The following CCT3 variants were observed in gnomAD, a reference collection of about 807,000 sequenced individuals.
CCT3 encodes T-complex protein 1 subunit gamma.
A neutral mutation model predicts 65.3 loss-of-function variants in CCT3; 10 were observed. The observed-to-expected ratio is 0.15, with a 90% CI of 0.09 to 0.26. CCT3 has a LOEUF of 0.26. Ranked by LOEUF, CCT3 falls within the 10% of genes least tolerant of loss-of-function variation. CCT3 has a pLI of 1.00. For missense variants in CCT3, 626 were observed against 708.7 expected (o/e 0.88, Z 1.33); for synonymous variants, 225 against 242.3 (o/e 0.93, Z 0.66).
In CCT3 at chr1:156,337,612, T is replaced by C. The variant is rs377395441; in HGVS notation, c.31+542A>G. 92 of 164,936 alleles carry C rather than the reference T, an allele frequency of 5.6e-4. 3 individuals are homozygous for C. The South Asian group carries it at 0.012, about 21-fold the overall frequency. The allele number at this position is 164,936 out of a possible 1,614,324, so 10.2% of individuals were successfully genotyped here. ...AAGAGACTGTTACTGAAAATAAATG[T>C]AACGTAAAGTGACCAAGGATATTAC... On this transcript the variant is annotated intron_variant, in intron 1 of 13. Coordinates refer to ENST00000295688, the MANE Select transcript of CCT3 (RefSeq NM_005998.5).
intron 9 of CCT3, 36 bp downstream of exon 9, chr1:156,317,379 C>G: frequency 6.2e-7 from 1 of 1,602,960 alleles, no homozygotes; most frequent in Non-Finnish European, 8.5e-7. Flanking sequence ...CCTCGTCTAC[C>G]TCAAAGGTAG....
In CCT3 at chr1:156,320,834, T is replaced by C. The variant is rs761844332; in HGVS notation, c.609+5A>G. Reference sequence around the variant, plus strand: ...TGACCCAATGTATACACTTTGAAAGTTTACCTTTTCCACTCTTGCATATTT... The same window carrying C: ...TGACCCAATGTATACACTTTGAAAGCTTACCTTTTCCACTCTTGCATATTT... On this transcript the variant is annotated splice_donor_5th_base_variant and intron_variant, in intron 7 of 13. Coordinates refer to ENST00000295688, the MANE Select transcript of CCT3 (RefSeq NM_005998.5). The C allele has an allele frequency of 1.3e-6, 2 of 1,594,838 alleles. No homozygotes were observed. The highest frequency in any genetic ancestry group is 3.3e-5 in the Admixed American group (2 of 59,708).
At chr1:156,312,546 C>T (rs1238038437) in intron 10 of CCT3, among the ~76,000 whole-genome samples, 1 of 152,042 alleles carries the variant, frequency 6.6e-6, no homozygotes, top group East Asian at 1.9e-4. Context: ...GTAGCTCCAG[C>T]TACTCAGGAG....
chr1:156,315,474 G>C (rs1339711366), intron 10 of CCT3, among the ~76,000 whole-genome samples: 1 of 152,148 alleles, frequency 6.6e-6, no homozygotes, highest in East Asian at 1.9e-4. Context: ...CTCCCAAAGT[G>C]CTGGGATTAC....
At position 156,338,209 on chromosome 1, in the gene CCT3, C is replaced by G; in HGVS notation, c.-25G>C. 6.3e-7 allele frequency: 1 copy of G among 1,581,692 alleles called. No individual in the cohort carries two copies. The highest frequency in any genetic ancestry group is 8.6e-7 in the Non-Finnish European group (1 of 1,165,264). On this transcript the variant is annotated 5_prime_UTR_variant, in exon 1 of 14. Coordinates refer to ENST00000295688, the MANE Select transcript of CCT3 (RefSeq NM_005998.5). ...TGGCGACGCGATGCAGAGCCGGGTACCCAGAGCTGGGGGAACCGGCAGAAC... is the reference window on the plus strand; with the variant it reads ...TGGCGACGCGATGCAGAGCCGGGTAGCCAGAGCTGGGGGAACCGGCAGAAC...
chr1:156,334,004 G>A (rs1315120138), intron 4 of CCT3, among the ~76,000 whole-genome samples: 1 of 152,130 alleles, frequency 6.6e-6, no homozygotes, highest in African/African-American at 2.4e-5. Flanking sequence ...TTGGGAGGCG[G>A]AGGCAGGTGG....
At chr1:156,325,330 A>T (rs948967304) in intron 5 of CCT3, among the ~76,000 whole-genome samples, 2 of 152,176 alleles carry the variant, frequency 1.3e-5, no homozygotes, top group East Asian at 3.9e-4. Flanking sequence ...ATTCAAGATC[A>T]GCCTGGGCAA....
chr1:156,332,139 C>G (rs547294590), intron 5 of CCT3, among the ~76,000 whole-genome samples: 1 of 152,324 alleles, frequency 6.6e-6, no homozygotes, highest in African/African-American at 2.4e-5. Context: ...CCTCAGCCTC[C>G]CCAGTAGCTG....
At chr1:156,312,672 CA>C (rs989457083) in intron 10 of CCT3, among the ~76,000 whole-genome samples, 1 of 151,508 alleles carries the variant, frequency 6.6e-6, no homozygotes, top group Admixed American at 6.6e-5. Context: ...AAAACAAACA[CA>C]AAAACCCCAA....
At chr1:156,331,270 C>G (rs1665085251) in intron 5 of CCT3, among the ~76,000 whole-genome samples, 1 of 151,874 alleles carries the variant, frequency 6.6e-6, no homozygotes, top group Non-Finnish European at 1.5e-5. Flanking sequence ...CAGGAGATTG[C>G]TTGAGCCCAG....
At chr1:156,324,202 G>T (rs1470446674) in intron 6 of CCT3, among the ~76,000 whole-genome samples, 2 of 151,624 alleles carry the variant, frequency 1.3e-5, no homozygotes, top group African/African-American at 2.4e-5. Context: ...TGAATAGCTG[G>T]GATTACAGGC....
Position 156,338,216 on chromosome 1 carries a change from C to G in CCT3, c.-32G>C, listed in dbSNP as rs541158900. ...GCGATGCAGAGCCGGGTACCCAGAG[C>G]TGGGGGAACCGGCAGAACCTTCTGG... On this transcript the variant is annotated 5_prime_UTR_variant, in exon 1 of 14. Transcript: ENST00000295688. 1.3e-6 allele frequency: 2 copies of G among 1,576,802 alleles called. No individual in the cohort carries two copies. Among genetic ancestry groups the G allele is most frequent in the South Asian group, 1.2e-5 (1 of 85,764 alleles).
chr1:156,311,707 G>A (rs1664090639), intron 11 of CCT3, among the ~76,000 whole-genome samples: 1 of 152,108 alleles, frequency 6.6e-6, no homozygotes, highest in African/African-American at 2.4e-5. Flanking sequence ...GTTGTTGCTA[G>A]GGAGTAGGAG....
chr1:156,329,548 GC>G (rs1665015378), intron 5 of CCT3, among the ~76,000 whole-genome samples: 1 of 151,778 alleles, frequency 6.6e-6, no homozygotes, highest in Non-Finnish European at 1.5e-5. Context: ...CTCGTGATCT[GC>G]CCACCTTGGC....
At chr1:156,328,924 T>C (rs1372074535) in intron 5 of CCT3, among the ~76,000 whole-genome samples, 1 of 152,194 alleles carries the variant, frequency 6.6e-6, no homozygotes, top group Non-Finnish European at 1.5e-5. Context: ...GAATTCAATA[T>C]ATTTTGTTTC....
intron 5 of CCT3, among the ~76,000 whole-genome samples, chr1:156,329,592 A>C (rs1348099118): frequency 1.3e-5 from 2 of 150,748 alleles, no homozygotes; most frequent in Admixed American, 1.3e-4. Flanking sequence ...GGCGTAAGCC[A>C]CCGCGCCCAG....
At chr1:156,314,753 A>T (rs563019824) in intron 10 of CCT3, among the ~76,000 whole-genome samples, 1 of 152,084 alleles carries the variant, frequency 6.6e-6, no homozygotes, top group Admixed American at 6.6e-5. Flanking sequence ...ACCAAACAGA[A>T]GATGACTTGA....
chr1:156,335,145 A>G (rs1022376787), intron 2 of CCT3: 2 of 507,966 alleles, frequency 3.9e-6, no homozygotes, highest in African/African-American at 3.9e-5. Context: ...TGTTGGGATT[A>G]GAGGCGTGAG....
chr1:156,334,003 G>A (rs1047639918), intron 4 of CCT3, among the ~76,000 whole-genome samples: 4 of 152,050 alleles, frequency 2.6e-5, no homozygotes, highest in South Asian at 4.1e-4. Flanking sequence ...TTTGGGAGGC[G>A]GAGGCAGGTG....
Sources: gnomAD v4.1 joint callset for allele counts (sites outside exome capture counted in the v4.1 genomes callset) on GRCh38, gnomAD v4.1.1 for gene constraint, MANE v1.5 for transcripts, NCBI Gene and HGNC (gene_info 2026-07-23, HGNC 2026-07-21) for gene names.